ARAP3: variants seen among roughly 807,000 people sequenced by gnomAD.
The protein encoded by ARAP3 is arf-GAP with Rho-GAP domain, ANK repeat and PH domain-containing protein 3.
Under a neutral mutation model 169.2 loss-of-function variants are expected in ARAP3, and 82 were observed. That is an observed-to-expected ratio of 0.48 (90% CI 0.41 to 0.58). The LOEUF (loss-of-function observed/expected upper bound fraction) is 0.58. ARAP3 is among the 20% of genes least tolerant of loss of function. ARAP3 has a pLI of 0.00. For synonymous variants in ARAP3, 791 were observed against 800.3 expected, an observed-to-expected ratio of 0.99 and a Z score of 0.20; for missense variants, 1,764 against 2,018.0, an observed-to-expected ratio of 0.87 and a Z score of 2.41.
At position 141,662,393 on chromosome 5, in the gene ARAP3, G is replaced by A. The variant is rs1044911291; in HGVS notation, c.2801-138C>T. On this transcript the variant is annotated intron_variant, in intron 19 of 32. Coordinates refer to ENST00000239440, the MANE Select transcript of ARAP3 (RefSeq NM_022481.6). ...GAGAGGAGGAGATCTATGCCTCCAT[G>A]TTCTTGATTCTCAGGTCTCTGCTGG... 55 of 795,074 alleles carry A rather than the reference G, an allele frequency of 6.9e-5. No homozygotes were observed. The African/African-American group carries it at 8.3e-4, about 12-fold the overall frequency. 49.3% of individuals were successfully genotyped at this position (795,074 alleles called of 1,614,324 possible). A position where few individuals can be genotyped will look rare whatever the true frequency, so the allele number is the denominator to read the frequency against.
At chr5:141,677,777 G>T (rs1562426554) in intron 4 of ARAP3, among the ~76,000 whole-genome samples, 1 of 140,016 alleles carries the variant, frequency 7.1e-6, no homozygotes, top group African/African-American at 2.6e-5. Flanking sequence ...TTTTGTTTTT[G>T]TTTTTTTTGT....
At position 141,679,955 on chromosome 5, in the gene ARAP3, C is replaced by A. The variant is rs554116524; in HGVS notation, c.524+8G>T. 3 of 1,614,088 alleles carry A rather than the reference C, an allele frequency of 1.9e-6. No individual in the cohort carries two copies. Among genetic ancestry groups the A allele is most frequent in the Non-Finnish European group, 2.5e-6 (3 of 1,179,972 alleles). On this transcript the variant is annotated splice_region_variant and intron_variant, in intron 2 of 32. Transcript: ENST00000239440. ...AGCATCAGTCCCTAGGGAGCCAACT[C>A]CACTCACTTGTCCTGAGCTGCCTGT...
chr5:141,654,284 TTC>T lies in ARAP3; in HGVS notation c.4299_4300del (p.Lys1434AlafsTer30), dbSNP rs780094480. The T allele has an allele frequency of 6.2e-7, 1 of 1,614,138 alleles. No individual in the cohort carries two copies. Among genetic ancestry groups the T allele is most frequent in the Non-Finnish European group, 8.5e-7 (1 of 1,180,014 alleles). On this transcript the variant is annotated frameshift_variant, in exon 33 of 33. Transcript: ENST00000239440. LOFTEE classifies it high-confidence loss of function. Reference sequence around the variant, plus strand: ...CTGGCTGGTGAGGGGGTTCTCTGGCTTCACTGTCCACTCCCGTGTGGTGGAGA... The same window carrying T: ...CTGGCTGGTGAGGGGGTTCTCTGGCTACTGTCCACTCCCGTGTGGTGGAGA...
chr5:141,673,053 G>A lies in ARAP3; in HGVS notation c.1053C>T (p.Ile351=), dbSNP rs1356205195. The A allele has an allele frequency of 2.5e-6, 4 of 1,614,068 alleles. No individual in the cohort carries two copies. Among genetic ancestry groups the A allele is most frequent in the Non-Finnish European group, 3.4e-6 (4 of 1,180,044 alleles). The change falls in exon 7 of 33, where the codon ATC becomes ATT. Residue 351 remains isoleucine, a synonymous_variant. Coordinates refer to ENST00000239440, the MANE Select transcript of ARAP3 (RefSeq NM_022481.6). ...GGAACACGAACACCCTCTGGCCGGT[G>A]ATGACCTGGAACTTGTTGTCCTTGC... ...RSSKDNKFQV[I]TGQRVFVFRT...
At chr5:141,654,741 C>CT (rs1351285657) in intron 32 of ARAP3, among the ~76,000 whole-genome samples, 10,174 of 141,170 alleles carry the variant, frequency 0.072, 364 homozygotes, top group South Asian at 0.12. Flanking sequence ...CAACTTTTTC[C>CT]TTTTTTTTTT....
At chr5:141,678,877 G>A (rs1321727042) in intron 4 of ARAP3, among the ~76,000 whole-genome samples, 6 of 152,148 alleles carry the variant, frequency 3.9e-5, no homozygotes, top group Non-Finnish European at 8.8e-5. Flanking sequence ...TATGTTTATT[G>A]TTAATAGACT....
rs760986825 is a variant in ARAP3 at position 141,680,358 on chromosome 5, C to T, written c.129G>A (p.Glu43=). 3 of 1,614,236 alleles carry T rather than the reference C, an allele frequency of 1.9e-6. No individual in the cohort carries two copies. Among genetic ancestry groups the T allele is most frequent in the Admixed American group, 1.7e-5 (1 of 60,036 alleles). ...TGGCGCTGATGCCCAACTGCTTCAA[C>T]TCCTCGTGGCCCAGGCCCCGGGCTG... The part of the protein sequence containing the change: ...AGAARGLGHE[E]LKQLGISATG... The change falls in exon 2 of 33, where the codon GAG becomes GAA. Residue 43 remains glutamate, a synonymous_variant. Transcript: ENST00000239440.
chr5:141,672,345 A>G lies in ARAP3; in HGVS notation c.1386-44T>C, dbSNP rs1244587127. On this transcript the variant is annotated intron_variant, in intron 9 of 32. Coordinates refer to ENST00000239440, the MANE Select transcript of ARAP3 (RefSeq NM_022481.6). The surrounding 1 kb of genome is among the most constrained non-coding windows in gnomAD (Gnocchi z 4.9). ...GTCCATGGGCATGGACCTACCTGCC[A>G]TGTCCCATCCCCCTGGCTCTTCCTG... 1.9e-6 allele frequency: 3 copies of G among 1,605,278 alleles called. No homozygotes were observed. The highest frequency in any genetic ancestry group is 2.6e-6 in the Non-Finnish European group (3 of 1,174,942).
chr5:141,669,604 A>G, intron 16 of ARAP3, 105 bp downstream of exon 16: 1 of 1,062,908 alleles, frequency 9.4e-7, no homozygotes, highest in Non-Finnish European at 1.4e-6. Context: ...AGTCACCCTT[A>G]GCTGTTAGTG....
At chr5:141,667,160 C>G (rs7721299) in intron 16 of ARAP3, among the ~76,000 whole-genome samples, 70,137 of 151,646 alleles carry the variant, frequency 0.46, 16,544 homozygotes, top group Admixed American at 0.56. Flanking sequence ...CTCCCAAAGT[C>G]CTGGAATTAC....
chr5:141,657,226 G>A (rs755482120), intron 25 of ARAP3, among the ~76,000 whole-genome samples: 1 of 152,240 alleles, frequency 6.6e-6, no homozygotes, highest in Non-Finnish European at 1.5e-5. Context: ...GCCATGCTAA[G>A]ATTGGGTGGT....
chr5:141,672,933 G>C lies in ARAP3; in HGVS notation c.1094-8C>G. 6.2e-7 allele frequency: 1 copy of C among 1,611,746 alleles called. No individual in the cohort carries two copies. Among genetic ancestry groups the C allele is most frequent in the Non-Finnish European group, 8.5e-7 (1 of 1,178,646 alleles). On this transcript the variant is annotated splice_region_variant and splice_polypyrimidine_tract_variant and intron_variant, in intron 7 of 32. Transcript: ENST00000239440. This position sits in a 1 kb window ranked among gnomAD's most constrained non-coding sequence, Gnocchi z 4.9. ...ACCACATGTCCCGCTGAGCTGGTGG[G>C]GATGGAGAAGCAGGTCAGTGGCTGT...
At position 141,655,384 on chromosome 5, in the gene ARAP3, C is replaced by T. The variant is rs764097681; in HGVS notation, c.4127G>A (p.Arg1376Gln). ...CACAAAGAACATGGACAGGGTCCTC[C>T]GGTTGTGTAGTCGCCGCTGGACACA... ...ANQTLRRLHN[R>Q]RTLSMFFPMK... is the part of the protein sequence containing the mutation. The change falls in exon 32 of 33, where the codon CGG (arginine) becomes CAG (glutamine). Residue 1376 changes from arginine (R) to glutamine (Q), a missense_variant. Around this residue, in one of 3 missense-constraint regions of ARAP3, gnomAD observed 1,112 missense variants for 1,285.7 expected, o/e 0.86. Coordinates refer to ENST00000239440, the MANE Select transcript of ARAP3 (RefSeq NM_022481.6). 9 of 1,584,674 alleles carry T rather than the reference C, an allele frequency of 5.7e-6. No homozygotes were observed. Among genetic ancestry groups the T allele is most frequent in the African/African-American group, 5.4e-5 (4 of 74,326 alleles).
Position 141,659,492 on chromosome 5 carries a change from AAG to A in ARAP3, c.3268-18_3268-17del, listed in dbSNP as rs1562405721. On this transcript the variant is annotated splice_polypyrimidine_tract_variant and intron_variant, in intron 22 of 32. Coordinates refer to ENST00000239440, the MANE Select transcript of ARAP3 (RefSeq NM_022481.6). Reference sequence around the variant, plus strand: ...CAGAATCGATCTGTGAAAGAGCCAAAAGAGAGTGTTGGGGTGCTGGAAGAGGA... The same window carrying A: ...CAGAATCGATCTGTGAAAGAGCCAAAAGAGTGTTGGGGTGCTGGAAGAGGA... The A allele has an allele frequency of 3.1e-6, 5 of 1,613,744 alleles. No homozygotes were observed. The highest frequency in any genetic ancestry group is 4.2e-6 in the Non-Finnish European group (5 of 1,179,732).
intron 23 of ARAP3, 46 bp downstream of exon 23, chr5:141,659,362 T>C: frequency 6.4e-7 from 1 of 1,562,520 alleles, no homozygotes; most frequent in Non-Finnish European, 8.8e-7. Flanking sequence ...CCTGTCCTGA[T>C]GTCTCCTCCT....
At position 141,677,753 on chromosome 5, in the gene ARAP3, G is replaced by A. The variant is rs567650462; in HGVS notation, c.698+1792C>T. On this transcript the variant is annotated intron_variant, in intron 4 of 32. Coordinates refer to ENST00000239440, the MANE Select transcript of ARAP3 (RefSeq NM_022481.6). ...TCTGGCCCCTTGTTTTTGTTTTTTT[G>A]GTTTTGTTTTGTTTTTTGTTTTTGT... Among the ~76,000 whole-genome samples, 118 of 151,686 alleles carry A rather than the reference G, an allele frequency of 7.8e-4. No individual in the cohort carries two copies. In the South Asian group the frequency reaches 0.022, roughly 28 times the overall value.
At chr5:141,655,507 G>T (rs1310818459) in intron 31 of ARAP3, 107 bp from the exon 32 acceptor site, 2 of 1,583,008 alleles carry the variant, frequency 1.3e-6, no homozygotes, top group Admixed American at 1.7e-5. Context: ...AGGCAGAAGG[G>T]AGGGGGACAG....
intron 17 of ARAP3, 98 bp downstream of exon 17, chr5:141,666,326 C>G: frequency 8.5e-7 from 1 of 1,169,780 alleles, no homozygotes; most frequent in Non-Finnish European, 1.1e-6. Context: ...CCACCATGTT[C>G]TGCTGTTTCC....
intron 19 of ARAP3, among the ~76,000 whole-genome samples, chr5:141,662,759 C>T (rs2099910136): frequency 6.6e-6 from 1 of 152,164 alleles, no homozygotes; most frequent in East Asian, 1.9e-4. Context: ...TTGGTGACTT[C>T]ACTGTTTAAA....
Sources: gnomAD v4.1 joint callset for allele counts (sites outside exome capture counted in the v4.1 genomes callset) on GRCh38, gnomAD v4.1.1 for gene constraint, gnomAD v4.1.1 regional missense constraint, Gnocchi (gnomAD v3.1) non-coding constraint, MANE v1.5 for transcripts, NCBI Gene and HGNC (gene_info 2026-07-23, HGNC 2026-07-21) for gene names.